Variants in XRCC6 observed in about 807,000 individuals in gnomAD.
XRCC6 encodes X-ray repair cross complementing 6.
Under a neutral mutation model 65.7 loss-of-function variants are expected in XRCC6, and 5 were observed. The ratio of observed to expected loss-of-function variants is 0.08; its 90% confidence interval spans 0.04 to 0.16. XRCC6 has a LOEUF of 0.16. Ranked by LOEUF, XRCC6 falls within the 10% of genes least tolerant of loss-of-function variation. The pLI, the probability that XRCC6 is intolerant of heterozygous loss-of-function variation, is 1.00. For synonymous variants in XRCC6, 270 were observed against 270.6 expected (o/e 1.00, Z 0.02); for missense variants, 447 against 738.1 (o/e 0.61, Z 4.57).
intron 6 of XRCC6, among the ~76,000 whole-genome samples, chr22:41,646,434 G>A (rs1019310954): frequency 6.6e-6 from 1 of 152,088 alleles, no homozygotes; most frequent in Non-Finnish European, 1.5e-5. Flanking sequence ...TTATTATACG[G>A]GTTGAGTGTT....
chr22:41,663,848 G>A lies in XRCC6; in HGVS notation c.*33G>A, dbSNP rs766234760. ...CCGCGCGTCCAGCTGCCCTTCCGCAGTGTGGCCAGGCTGCCTGGCCTTGTC... is the reference window on the plus strand; with the variant it reads ...CCGCGCGTCCAGCTGCCCTTCCGCAATGTGGCCAGGCTGCCTGGCCTTGTC... On this transcript the variant is annotated 3_prime_UTR_variant, in exon 13 of 13. Coordinates refer to ENST00000360079, the MANE Select transcript of XRCC6 (RefSeq NM_001469.5). 8 of 1,598,556 alleles carry A rather than the reference G, an allele frequency of 5.0e-6. No homozygotes were observed. Among genetic ancestry groups the A allele is most frequent in the East Asian group, 2.2e-5 (1 of 44,540 alleles).
intron 6 of XRCC6, among the ~76,000 whole-genome samples, chr22:41,639,435 G>A (rs1461606566): frequency 2.1e-5 from 3 of 142,184 alleles, no homozygotes; most frequent in Non-Finnish European, 4.5e-5. Context: ...CTGAGCTCCA[G>A]TGATCGCCCC....
At chr22:41,657,884 C>T (rs1023515276) in intron 10 of XRCC6, among the ~76,000 whole-genome samples, 9 of 151,972 alleles carry the variant, frequency 5.9e-5, no homozygotes, top group African/African-American at 2.2e-4. Flanking sequence ...AGTACCGTGG[C>T]ACGATCATGG....
At chr22:41,626,804 AT>A (rs986858507) in intron 2 of XRCC6, among the ~76,000 whole-genome samples, 8 of 150,638 alleles carry the variant, frequency 5.3e-5, no homozygotes, top group Admixed American at 4.0e-4. Flanking sequence ...CGCCCAGCTA[AT>A]TTTTTTTTGT....
At chr22:41,624,026 A>G (rs889361688) in intron 2 of XRCC6, among the ~76,000 whole-genome samples, 1 of 152,028 alleles carries the variant, frequency 6.6e-6, no homozygotes, top group African/African-American at 2.4e-5. Flanking sequence ...CGTGGCCTAT[A>G]GCTCATTTTA....
At chr22:41,645,574 G>C (rs951231208) in intron 6 of XRCC6, among the ~76,000 whole-genome samples, 2 of 152,052 alleles carry the variant, frequency 1.3e-5, no homozygotes, top group African/African-American at 4.8e-5. Context: ...ACAGCAACTT[G>C]AGTTTGACTA....
rs543511562 is a variant in XRCC6 at position 41,633,198 on chromosome 22, C to T, written c.196-2915C>T. Among the ~76,000 whole-genome samples, 19 of 152,198 alleles carry T rather than the reference C, an allele frequency of 1.2e-4. No individual in the cohort carries two copies. The East Asian group carries it at 3.1e-3, about 25-fold the overall frequency. Reference sequence around the variant, plus strand: ...AAACAATCGTTAATTTAAAGTGGTTCTCAAACAGAATTACTTGCAGGACAT... The same window carrying T: ...AAACAATCGTTAATTTAAAGTGGTTTTCAAACAGAATTACTTGCAGGACAT... On this transcript the variant is annotated intron_variant, in intron 3 of 12. Coordinates refer to ENST00000360079, the MANE Select transcript of XRCC6 (RefSeq NM_001469.5).
chr22:41,651,859 C>A (rs1206710434), intron 8 of XRCC6, among the ~76,000 whole-genome samples: 1 of 152,040 alleles, frequency 6.6e-6, no homozygotes, highest in Non-Finnish European at 1.5e-5. Flanking sequence ...TCTCGGCTCA[C>A]TGCAATCTCC....
chr22:41,629,983 C>CTTTTT (rs60191841), intron 3 of XRCC6, among the ~76,000 whole-genome samples: 13 of 93,550 alleles, frequency 1.4e-4, no homozygotes, highest in South Asian at 3.4e-4. Flanking sequence ...TGCATTTATG[C>CTTTTT]TTTTTTTTTT....
chr22:41,651,521 A>AT (rs891200055), intron 8 of XRCC6, among the ~76,000 whole-genome samples: 7 of 145,588 alleles, frequency 4.8e-5, no homozygotes, highest in East Asian at 2.1e-4. Context: ...ATATATATAT[A>AT]TTTTTTTAAT....
At chr22:41,649,815 C>T (rs1248112193) in intron 7 of XRCC6, among the ~76,000 whole-genome samples, 1 of 149,808 alleles carries the variant, frequency 6.7e-6, no homozygotes, top group Non-Finnish European at 1.5e-5. Flanking sequence ...GAGATCGCTG[C>T]CTGGGTGACA....
chr22:41,628,255 C>A, intron 3 of XRCC6, 25 bp downstream of exon 3: 1 of 1,584,176 alleles, frequency 6.3e-7, no homozygotes, highest in Non-Finnish European at 8.6e-7. Flanking sequence ...TAATTTAAGA[C>A]AAATTTAAAA....
chr22:41,660,380 G>T (rs1601558957), intron 11 of XRCC6, among the ~76,000 whole-genome samples: 1 of 152,262 alleles, frequency 6.6e-6, no homozygotes, highest in Admixed American at 6.5e-5. Flanking sequence ...CCAGCTCTGT[G>T]ATTTCAGTTA....
At chr22:41,629,464 G>C (rs2067715883) in intron 3 of XRCC6, among the ~76,000 whole-genome samples, 1 of 152,166 alleles carries the variant, frequency 6.6e-6, no homozygotes, top group Non-Finnish European at 1.5e-5. Context: ...AATATTGTAT[G>C]ATTTCATTTA....
rs538269239 is a variant in XRCC6, at chr22:41,632,332, A to G, written c.196-3781A>G. On this transcript the variant is annotated intron_variant, in intron 3 of 12. Transcript: ENST00000360079. Reference sequence around the variant, plus strand: ...TGTGTACAAATAGTTCTTGGTAGGCAGGGTGTGGTGGCTCACGCCTGTAAT... The same window carrying G: ...TGTGTACAAATAGTTCTTGGTAGGCGGGGTGTGGTGGCTCACGCCTGTAAT... Among the ~76,000 whole-genome samples, 67 of 152,192 alleles carry G rather than the reference A, an allele frequency of 4.4e-4. 1 individual carries two copies. The highest frequency in any genetic ancestry group is 2.7e-3 in the South Asian group (13 of 4,826).
At chr22:41,639,329 C>CTTTTTTTTTTTTTTTTTTTTTT (rs386395480) in intron 6 of XRCC6, among the ~76,000 whole-genome samples, 1 of 64,584 alleles carries the variant, frequency 1.5e-5, no homozygotes, top group South Asian at 7.0e-4. Flanking sequence ...GATTCTTTTT[C>CTTTTTTTTTTTTTTTTTTTTTT]TTTTTTTTTT....
chr22:41,633,607 T>G (rs1483707423), intron 3 of XRCC6, among the ~76,000 whole-genome samples: 1 of 152,132 alleles, frequency 6.6e-6, no homozygotes, highest in Non-Finnish European at 1.5e-5. Context: ...GGTCTCCATC[T>G]CCTGACCTCG....
chr22:41,629,171 G>C (rs1243340366), intron 3 of XRCC6, among the ~76,000 whole-genome samples: 3 of 152,018 alleles, frequency 2.0e-5, no homozygotes, highest in Admixed American at 6.6e-5. Flanking sequence ...GGAGAAATTG[G>C]CGTGATTGAC....
intron 11 of XRCC6, among the ~76,000 whole-genome samples, chr22:41,659,131 C>T (rs967568794): frequency 3.9e-5 from 6 of 152,072 alleles, no homozygotes; most frequent in Middle Eastern, 3.2e-3. Flanking sequence ...GACGGGATTT[C>T]GCCATGATGG....
Sources: allele counts gnomAD v4.1 joint callset (sites outside exome capture counted in the v4.1 genomes callset), GRCh38; gene constraint gnomAD v4.1.1; transcripts MANE v1.5; gene names NCBI Gene and HGNC (gene_info 2026-07-23, HGNC 2026-07-21).